The following STRN variants were observed in gnomAD, a reference collection of about 807,000 sequenced individuals.
The protein encoded by STRN is protein phosphatase 2 regulatory subunit B'''alpha.
A neutral mutation model predicts 96.3 loss-of-function variants in STRN; 53 were observed. The ratio of observed to expected loss-of-function variants is 0.55; its 90% confidence interval spans 0.44 to 0.69. STRN has a LOEUF of 0.69. STRN is among the 30% of genes least tolerant of loss of function. The pLI, the probability that STRN is intolerant of heterozygous loss-of-function variation, is 0.00. For synonymous variants in STRN, 428 were observed against 355.9 expected (o/e 1.20, Z -2.28); for missense variants, 987 against 963.9 (o/e 1.02, Z -0.32).
At chr2:36,955,257 G>A (rs1664856616) in intron 1 of STRN, among the ~76,000 whole-genome samples, 1 of 152,152 alleles carries the variant, frequency 6.6e-6, no homozygotes, top group Non-Finnish European at 1.5e-5. Flanking sequence ...TTCACACAGT[G>A]ACCTGAGAAA....
intron 1 of STRN, among the ~76,000 whole-genome samples, chr2:36,947,538 C>T (rs969399257): frequency 6.7e-6 from 1 of 148,598 alleles, no homozygotes; most frequent in Non-Finnish European, 1.5e-5. Flanking sequence ...TTCTTGATAA[C>T]TCGGGAACAT....
chr2:36,875,733 T>C (rs1482177313), intron 10 of STRN, among the ~76,000 whole-genome samples: 2 of 150,464 alleles, frequency 1.3e-5, no homozygotes, highest in Non-Finnish European at 2.9e-5. Context: ...CTCGGCTCAC[T>C]GCAAACTCTG....
chr2:36,923,820 T>G (rs2148229223), intron 2 of STRN, among the ~76,000 whole-genome samples: 1 of 152,150 alleles, frequency 6.6e-6, no homozygotes, highest in South Asian at 2.1e-4. Flanking sequence ...CAATATCACC[T>G]ATAAGTACTC....
At chr2:36,907,190 T>C (rs115824433) in intron 3 of STRN, among the ~76,000 whole-genome samples, 7 of 152,236 alleles carry the variant, frequency 4.6e-5, no homozygotes, top group African/African-American at 1.7e-4. Flanking sequence ...TGCTGATCTT[T>C]ATAGGATCTT....
chr2:36,912,392 T>A (rs28754306), intron 3 of STRN, among the ~76,000 whole-genome samples: 21,814 of 152,148 alleles, frequency 0.14, 3,437 homozygotes, highest in African/African-American at 0.39. Context: ...CCTCTCTCCT[T>A]AAGTTCTCAG....
intron 1 of STRN, among the ~76,000 whole-genome samples, chr2:36,933,138 G>A (rs1171704219): frequency 1.3e-5 from 2 of 151,412 alleles, no homozygotes; most frequent in Admixed American, 1.3e-4. Flanking sequence ...TGCAGATTCA[G>A]TCAACCATCT....
chr2:36,957,234 A>G (rs1664909783), intron 1 of STRN, among the ~76,000 whole-genome samples: 1 of 152,208 alleles, frequency 6.6e-6, no homozygotes, highest in Admixed American at 6.5e-5. Context: ...CCTCAAATGT[A>G]TTCACAACCA....
At chr2:36,893,021 A>G (rs1317558467) in intron 7 of STRN, among the ~76,000 whole-genome samples, 1 of 152,006 alleles carries the variant, frequency 6.6e-6, no homozygotes, top group East Asian at 1.9e-4. Context: ...CTCGGTATCA[A>G]AAAGCCACTG....
chr2:36,866,065 T>C (rs1668613934), intron 12 of STRN, among the ~76,000 whole-genome samples: 2 of 152,098 alleles, frequency 1.3e-5, no homozygotes, highest in Non-Finnish European at 2.9e-5. Flanking sequence ...AATCTTGGTA[T>C]TGATTTCTAT....
chr2:36,847,349 G>A lies in STRN; in HGVS notation c.*2107C>T, dbSNP rs1280903142. ...TAACTGGTAGAACAATAGCTTTGTG[G>A]TCATCCATCATAAATACACCAAGTA... is the stretch of plus-strand genomic sequence containing the variant. On this transcript the variant is annotated 3_prime_UTR_variant, in exon 18 of 18. Coordinates refer to ENST00000263918, the MANE Select transcript of STRN (RefSeq NM_003162.4). 2 of 152,098 alleles carry A rather than the reference G, an allele frequency of 1.3e-5. No individual in the cohort carries two copies. Among genetic ancestry groups the A allele is most frequent in the Non-Finnish European group, 2.9e-5 (2 of 68,012 alleles). The allele number at this position is 152,098 out of a possible 1,614,324, so 9.4% of individuals were successfully genotyped here. A position where few individuals can be genotyped will look rare whatever the true frequency, so the allele number is the denominator to read the frequency against.
chr2:36,938,978 T>C (rs1216459331), intron 1 of STRN, among the ~76,000 whole-genome samples: 2 of 152,126 alleles, frequency 1.3e-5, no homozygotes, highest in Non-Finnish European at 2.9e-5. Context: ...AGTTTTTTTT[T>C]TTTATTTGTT....
Position 36,844,106 on chromosome 2 carries a change from C to T in STRN, c.*5350G>A, listed in dbSNP as rs1410140543. On this transcript the variant is annotated 3_prime_UTR_variant, in exon 18 of 18. Coordinates refer to ENST00000263918, the MANE Select transcript of STRN (RefSeq NM_003162.4). ...TGAACTTGAGAAAACATAAAGTAAC[C>T]AGCAGATTTCAATATTAAAAAGAAG... 1 of 152,018 alleles carries T rather than the reference C, an allele frequency of 6.6e-6. No individual in the cohort carries two copies. The highest frequency in any genetic ancestry group is 1.5e-5 in the Non-Finnish European group (1 of 68,006). The allele number at this position is 152,018 out of a possible 1,614,324, so 9.4% of individuals were successfully genotyped here.
At chr2:36,906,701 G>A (rs1558647387) in intron 3 of STRN, among the ~76,000 whole-genome samples, 2 of 151,862 alleles carry the variant, frequency 1.3e-5, no homozygotes, top group African/African-American at 4.8e-5. Context: ...CGAAGCGGGT[G>A]GATCACTTGA....
chr2:36,873,577 T>C (rs1373804534), intron 10 of STRN, among the ~76,000 whole-genome samples: 1 of 151,876 alleles, frequency 6.6e-6, no homozygotes, highest in Admixed American at 6.6e-5. Context: ...TTAATAATAA[T>C]AATAATGTTG....
At chr2:36,936,566 C>A (rs1251810233) in intron 1 of STRN, among the ~76,000 whole-genome samples, 1 of 152,068 alleles carries the variant, frequency 6.6e-6, no homozygotes, top group African/African-American at 2.4e-5. Flanking sequence ...ATATATTGAA[C>A]AGGACTTAAC....
At chr2:36,881,473 T>G (rs978094622) in intron 9 of STRN, among the ~76,000 whole-genome samples, 21 of 152,112 alleles carry the variant, frequency 1.4e-4, no homozygotes, top group African/African-American at 4.8e-4. Flanking sequence ...AGTAACAAAA[T>G]TATAGAGCAC....
intron 11 of STRN, among the ~76,000 whole-genome samples, chr2:36,868,725 G>A (rs1322136073): frequency 1.3e-5 from 2 of 152,166 alleles, no homozygotes; most frequent in Admixed American, 6.5e-5. Flanking sequence ...CAGCATGAAT[G>A]ACACTGATCT....
chr2:36,917,982 G>T (rs537405542), intron 2 of STRN, among the ~76,000 whole-genome samples: 35 of 152,186 alleles, frequency 2.3e-4, no homozygotes, highest in Non-Finnish European at 5.0e-4. Context: ...TACATAATAC[G>T]TAAGATATCA....
At chr2:36,929,083 G>A (rs767396732) in intron 1 of STRN, among the ~76,000 whole-genome samples, 16 of 151,990 alleles carry the variant, frequency 1.1e-4, no homozygotes, top group Non-Finnish European at 2.1e-4. Context: ...TATCTTCAAG[G>A]AAAATGAATG....
Sources: gnomAD v4.1 joint callset for allele counts (sites outside exome capture counted in the v4.1 genomes callset) on GRCh38, gnomAD v4.1.1 for gene constraint, MANE v1.5 for transcripts, NCBI Gene and HGNC (gene_info 2026-07-23, HGNC 2026-07-21) for gene names.